ATXN1: variants seen among roughly 807,000 people sequenced by gnomAD.
ATXN1 encodes the protein ataxin-1.
In ATXN1, 8 loss-of-function variants were observed where a neutral mutation model predicts 56.4. That is an observed-to-expected ratio of 0.14 (90% confidence interval 0.08 to 0.26). ATXN1 has a LOEUF of 0.26. Among genes scored for constraint, ATXN1 ranks in the 10% least tolerant of loss-of-function variants. ATXN1 has a pLI of 1.00. For missense variants in ATXN1, 987 were observed against 1,106.5 expected, an observed-to-expected ratio of 0.89 and a Z score of 1.53; for synonymous variants, 514 against 494.6, an observed-to-expected ratio of 1.04 and a Z score of -0.52.
intron 6 of ATXN1, among the ~76,000 whole-genome samples, chr6:16,401,422 T>G (rs1448046084): frequency 1.3e-5 from 2 of 152,114 alleles, no homozygotes; most frequent in Non-Finnish European, 2.9e-5. Flanking sequence ...GTGAGACCCT[T>G]GACTCTAAAA....
intron 7 of ATXN1, among the ~76,000 whole-genome samples, chr6:16,324,248 G>A (rs186532163): frequency 5.3e-5 from 8 of 152,244 alleles, no homozygotes; most frequent in African/African-American, 1.9e-4. Flanking sequence ...TTTGAGACCA[G>A]CCTAGGCAAC....
At chr6:16,704,881 C>T (rs1759373280) in intron 2 of ATXN1, among the ~76,000 whole-genome samples, 1 of 152,222 alleles carries the variant, frequency 6.6e-6, no homozygotes, top group Non-Finnish European at 1.5e-5. Flanking sequence ...TCCTGCCCTG[C>T]TCTCTAAGCA....
intron 2 of ATXN1, among the ~76,000 whole-genome samples, chr6:16,728,115 G>A (rs952736075): frequency 6.6e-6 from 1 of 152,226 alleles, no homozygotes; most frequent in Non-Finnish European, 1.5e-5. Flanking sequence ...GAAGAGAGCA[G>A]GTCCCTTCCC....
chr6:16,633,854 T>C (rs767053652), intron 3 of ATXN1, among the ~76,000 whole-genome samples: 1 of 152,232 alleles, frequency 6.6e-6, no homozygotes, highest in Non-Finnish European at 1.5e-5. Flanking sequence ...CATTTACGCT[T>C]GCACCTTATT....
chr6:16,676,546 A>G (rs1419682146), intron 2 of ATXN1, among the ~76,000 whole-genome samples: 3 of 152,198 alleles, frequency 2.0e-5, no homozygotes, highest in Non-Finnish European at 4.4e-5. Context: ...CACATGAGTA[A>G]AATATGGTCC....
At chr6:16,458,649 G>A (rs1354722652) in intron 6 of ATXN1, among the ~76,000 whole-genome samples, 1 of 152,166 alleles carries the variant, frequency 6.6e-6, no homozygotes, top group East Asian at 1.9e-4. Context: ...ACAAACCTTG[G>A]TGGTTCAGAG....
At chr6:16,437,779 T>C (rs1759424023) in intron 6 of ATXN1, among the ~76,000 whole-genome samples, 1 of 152,208 alleles carries the variant, frequency 6.6e-6, no homozygotes, top group African/African-American at 2.4e-5. Flanking sequence ...ATAAGTTGGC[T>C]CAGCATAAAG....
At chr6:16,349,457 C>T (rs1168440398) in intron 6 of ATXN1, among the ~76,000 whole-genome samples, 2 of 151,722 alleles carry the variant, frequency 1.3e-5, no homozygotes, top group African/African-American at 4.8e-5. Context: ...GAGCTGAGAT[C>T]ATGCCACTGC....
intron 5 of ATXN1, among the ~76,000 whole-genome samples, chr6:16,502,540 T>G (rs948619651): frequency 1.3e-5 from 2 of 152,214 alleles, no homozygotes; most frequent in Non-Finnish European, 2.9e-5. Context: ...ATTCTGGCTA[T>G]AGACCGTAAA....
chr6:16,322,861 G>A (rs1039255599), intron 7 of ATXN1, among the ~76,000 whole-genome samples: 1 of 152,170 alleles, frequency 6.6e-6, no homozygotes, highest in Non-Finnish European at 1.5e-5. Flanking sequence ...TAGGCTCCTC[G>A]GTAAAGTGAC....
chr6:16,401,571 A>G (rs921983298), intron 6 of ATXN1, among the ~76,000 whole-genome samples: 4 of 152,210 alleles, frequency 2.6e-5, no homozygotes, highest in Admixed American at 2.6e-4. Context: ...GAAATGGTCT[A>G]AGGTTAGACA....
intron 6 of ATXN1, among the ~76,000 whole-genome samples, chr6:16,364,787 G>A (rs1761881801): frequency 7.2e-6 from 1 of 139,428 alleles, no homozygotes; most frequent in African/African-American, 2.8e-5. Context: ...AACTGTTCAG[G>A]GATCCACTCG....
chr6:16,556,170 G>C (rs967282019), intron 4 of ATXN1, among the ~76,000 whole-genome samples: 2 of 151,904 alleles, frequency 1.3e-5, no homozygotes, highest in African/African-American at 4.8e-5. Flanking sequence ...TATCATTTTG[G>C]TTGACAATTA....
At chr6:16,395,270 C>CAAAAAAAAAAAAAAAAAAAAAAAAAA (rs748314030) in intron 6 of ATXN1, among the ~76,000 whole-genome samples, 11 of 48,454 alleles carry the variant, frequency 2.3e-4, no homozygotes, top group African/African-American at 3.6e-4. Flanking sequence ...AACTCCGTCT[C>CAAAAAAAAAAAAAAAAAAAAAAAAAA]AAAAAAAAAA....
chr6:16,550,747 A>C (rs1414654414), intron 4 of ATXN1, among the ~76,000 whole-genome samples: 2 of 152,264 alleles, frequency 1.3e-5, no homozygotes, highest in Non-Finnish European at 2.9e-5. Flanking sequence ...TGCAACATAT[A>C]GTATGACACA....
chr6:16,735,797 C>G (rs906868350), intron 2 of ATXN1, among the ~76,000 whole-genome samples: 2 of 151,844 alleles, frequency 1.3e-5, no homozygotes, highest in African/African-American at 4.8e-5. Flanking sequence ...CACTCCAGCC[C>G]AGGCAACAGT....
intron 6 of ATXN1, among the ~76,000 whole-genome samples, chr6:16,335,857 C>T (rs1459691784): frequency 6.6e-6 from 1 of 152,180 alleles, no homozygotes; most frequent in Non-Finnish European, 1.5e-5. Flanking sequence ...CAAGGATCAC[C>T]CGAAGCTACT....
chr6:16,673,023 A>AAG (rs2113385005), intron 2 of ATXN1, among the ~76,000 whole-genome samples: 1 of 150,036 alleles, frequency 6.7e-6, no homozygotes, highest in Admixed American at 6.7e-5. Context: ...CCCCCGCCAA[A>AAG]AAAAAAAAAA....
chr6:16,715,151 A>C (rs961681170), intron 2 of ATXN1, among the ~76,000 whole-genome samples: 2 of 152,142 alleles, frequency 1.3e-5, no homozygotes, highest in African/African-American at 4.8e-5. Context: ...CAAATCTAAA[A>C]TACATCTGCA....
Sources: allele counts gnomAD v4.1 joint callset (sites outside exome capture counted in the v4.1 genomes callset), GRCh38; gene constraint gnomAD v4.1.1; transcripts MANE v1.5; gene names NCBI Gene and HGNC (gene_info 2026-07-23, HGNC 2026-07-21).